The following TENM3 variants were observed in gnomAD, a reference collection of about 807,000 sequenced individuals.
TENM3 encodes teneurin transmembrane protein 3, also known as teneurin-3.
In TENM3, 63 loss-of-function variants were observed where a neutral mutation model predicts 255.1. That is an observed-to-expected ratio of 0.25 (90% CI 0.20 to 0.30). The LOEUF (loss-of-function observed/expected upper bound fraction) is 0.30, where lower values mean the gene tolerates loss of function less well. TENM3 is among the 10% of genes least tolerant of loss of function. The pLI is 1.00. For missense variants in TENM3, 2,929 were observed against 3,461.1 expected (o/e 0.85, Z 3.86); for synonymous variants, 1,306 against 1,322.3 (o/e 0.99, Z 0.27).
chr4:181,484,058 C>T, the TENM3 span, among the ~76,000 whole-genome samples: 2 of 152,102 alleles, frequency 1.3e-5, no homozygotes, highest in East Asian at 3.9e-4. Flanking sequence ...AACTTTAAAA[C>T]GATCTGACTT....
chr4:181,692,482 C>T, the TENM3 span, among the ~76,000 whole-genome samples: 1 of 152,164 alleles, frequency 6.6e-6, no homozygotes, highest in Admixed American at 6.5e-5. Flanking sequence ...GAGCACTTAA[C>T]TTTAAAACAT....
the TENM3 span, among the ~76,000 whole-genome samples, chr4:181,792,978 GA>G: frequency 6.6e-6 from 1 of 151,184 alleles, no homozygotes; most frequent in Non-Finnish European, 1.5e-5. Flanking sequence ...TTTTTTCCTG[GA>G]AAAGACTGCC....
At chr4:182,729,216 G>C in intron 14 of TENM3, 35 bp downstream of exon 14, 1 of 1,549,402 alleles carries the variant, frequency 6.5e-7, no homozygotes, top group Non-Finnish European at 8.9e-7. Flanking sequence ...GATTTGTAAT[G>C]ATGTTATCAA....
rs997370826 is a variant in TENM3 at position 182,793,951 on chromosome 4, C to G, written c.7213+66C>G. 7 of 1,398,394 alleles carry G rather than the reference C, an allele frequency of 5.0e-6. No homozygotes were observed. The highest frequency in any genetic ancestry group is 1.4e-5 in the African/African-American group (1 of 69,040). 86.6% of individuals were successfully genotyped at this position (1,398,394 alleles called of 1,614,324 possible). A position where few individuals can be genotyped will look rare whatever the true frequency, so the allele number is the denominator to read the frequency against. On this transcript the variant is annotated intron_variant, in intron 26 of 27. Transcript: ENST00000511685. The surrounding 1 kb of genome is among the most constrained non-coding windows in gnomAD (Gnocchi z 5.7). ...ATCATTAGATTAATACACAAAATAA[C>G]TGGAAATGCTTTTTTAAAAAACTTT...
chr4:181,866,923 C>G, the TENM3 span, among the ~76,000 whole-genome samples: 1 of 152,124 alleles, frequency 6.6e-6, no homozygotes, highest in African/African-American at 2.4e-5. Flanking sequence ...GCGATCTCAT[C>G]TAACCTCATT....
intron 20 of TENM3, among the ~76,000 whole-genome samples, chr4:182,753,109 GT>G (rs886913388): frequency 6.6e-6 from 1 of 151,890 alleles, no homozygotes; most frequent in African/African-American, 2.4e-5. Flanking sequence ...GCCACACCCA[GT>G]TTTTTTGTGT....
At chr4:182,771,076 T>G (rs1018507531) in intron 22 of TENM3, among the ~76,000 whole-genome samples, 1 of 152,228 alleles carries the variant, frequency 6.6e-6, no homozygotes, top group African/African-American at 2.4e-5. Context: ...GGTGAGAGTC[T>G]GAACTTTCAG....
the TENM3 span, among the ~76,000 whole-genome samples, chr4:181,631,850 A>G: frequency 5.9e-5 from 9 of 152,204 alleles, no homozygotes; most frequent in Non-Finnish European, 1.3e-4. Context: ...GTGCATTGCC[A>G]AAAGTGTGGC....
At chr4:182,555,474 A>T (rs1295860949) in intron 3 of TENM3, among the ~76,000 whole-genome samples, 1 of 152,182 alleles carries the variant, frequency 6.6e-6, no homozygotes, top group African/African-American at 2.4e-5. Context: ...AAACAAAAAG[A>T]TTATTTGTAT....
At chr4:181,852,713 C>T in the TENM3 span, among the ~76,000 whole-genome samples, 1 of 152,274 alleles carries the variant, frequency 6.6e-6, no homozygotes, top group South Asian at 2.1e-4. Flanking sequence ...TATTTCAGCG[C>T]TTCGTATACA....
the TENM3 span, among the ~76,000 whole-genome samples, chr4:181,790,193 T>C: frequency 6.6e-6 from 1 of 152,052 alleles, no homozygotes; most frequent in Non-Finnish European, 1.5e-5. Flanking sequence ...CCCCGGAGGA[T>C]TGCTTGGTGT....
At chr4:182,161,309 G>C (rs1228205250) in intron 1 of TENM3, among the ~76,000 whole-genome samples, 2 of 135,664 alleles carry the variant, frequency 1.5e-5, no homozygotes, top group Non-Finnish European at 3.1e-5. Flanking sequence ...CCAGCTACTC[G>C]GGAGGCTGAG....
the TENM3 span, among the ~76,000 whole-genome samples, chr4:181,849,154 G>A: frequency 6.6e-6 from 1 of 152,282 alleles, no homozygotes; most frequent in East Asian, 1.9e-4. Flanking sequence ...ATAAGTAAAA[G>A]TGCTTAATAT....
At chr4:181,634,925 A>T in the TENM3 span, among the ~76,000 whole-genome samples, 15 of 152,210 alleles carry the variant, frequency 9.9e-5, no homozygotes, top group Non-Finnish European at 1.5e-5. Flanking sequence ...TATGAAAAAC[A>T]TACTCTATAT....
chr4:182,548,452 G>T (rs1266277333), intron 3 of TENM3, among the ~76,000 whole-genome samples: 1 of 152,082 alleles, frequency 6.6e-6, no homozygotes, highest in Admixed American at 6.6e-5. Context: ...TAAAGCTTTG[G>T]ACTGAAAAGC....
At chr4:181,808,265 A>T in the TENM3 span, among the ~76,000 whole-genome samples, 4 of 152,136 alleles carry the variant, frequency 2.6e-5, no homozygotes, top group Non-Finnish European at 2.9e-5. Context: ...TCATTCACAG[A>T]TGTTCATGGA....
At chr4:181,968,087 G>C in the TENM3 span, among the ~76,000 whole-genome samples, 3 of 152,082 alleles carry the variant, frequency 2.0e-5, no homozygotes, top group Non-Finnish European at 4.4e-5. Flanking sequence ...CTGGTATTCC[G>C]AGCACCAGAA....
At chr4:181,995,166 T>C in the TENM3 span, among the ~76,000 whole-genome samples, 1 of 152,074 alleles carries the variant, frequency 6.6e-6, no homozygotes, top group Non-Finnish European at 1.5e-5. Context: ...GGTGTTCACC[T>C]GTAATCCCAG....
At chr4:182,387,547 C>A (rs1195209455) in intron 3 of TENM3, among the ~76,000 whole-genome samples, 2 of 152,128 alleles carry the variant, frequency 1.3e-5, no homozygotes, top group Admixed American at 6.5e-5. Flanking sequence ...CCCTTCCACA[C>A]TAAATTTTGC....
Sources: allele counts gnomAD v4.1 joint callset (sites outside exome capture counted in the v4.1 genomes callset), GRCh38; gene constraint gnomAD v4.1.1; non-coding constraint Gnocchi (gnomAD v3.1); transcripts MANE v1.5; gene names NCBI Gene and HGNC (gene_info 2026-07-23, HGNC 2026-07-21).